The following TANC1 variants were observed in gnomAD, a reference collection of about 807,000 sequenced individuals.
TANC1 encodes tetratricopeptide repeat, ankyrin repeat and coiled-coil containing 1.
Under a neutral mutation model 149.7 loss-of-function variants are expected in TANC1, and 77 were observed. The observed-to-expected ratio is 0.51, with a 90% CI of 0.43 to 0.62. The LOEUF (loss-of-function observed/expected upper bound fraction) is 0.62, where lower values mean the gene tolerates loss of function less well. TANC1 is among the 20% of genes least tolerant of loss of function. The probability of loss-of-function intolerance (pLI) is 0.00; values close to 1 mark genes in which losing one functional copy is unlikely to be tolerated. For missense variants in TANC1, 1,985 were observed against 2,321.8 expected, an observed-to-expected ratio of 0.85 and a Z score of 2.98; for synonymous variants, 854 against 925.0, an observed-to-expected ratio of 0.92 and a Z score of 1.39.
intron 2 of TANC1, among the ~76,000 whole-genome samples, chr2:159,050,837 A>C (rs978962862): frequency 2.0e-5 from 3 of 152,224 alleles, no homozygotes; most frequent in Admixed American, 6.5e-5. Context: ...AAGTGATGTC[A>C]ATTGGAGATG....
At position 159,033,885 on chromosome 2, in the gene TANC1, T is replaced by C. The variant is rs562224749; in HGVS notation, c.-15-32011T>C. Among the ~76,000 whole-genome samples the C allele has an allele frequency of 3.3e-5, 5 of 152,344 alleles. No homozygotes were observed. In the South Asian group the frequency reaches 1.0e-3, roughly 32 times the overall value. ...CTTCAGGCACTGTGGCTCTTAGTAG[T>C]TATCCTTGAATGCGTTGTGCTTTGT... On this transcript the variant is annotated intron_variant, in intron 2 of 26. Coordinates refer to ENST00000263635, the MANE Select transcript of TANC1 (RefSeq NM_033394.3).
At chr2:159,100,268 T>A (rs1453872841) in intron 4 of TANC1, among the ~76,000 whole-genome samples, 6 of 152,110 alleles carry the variant, frequency 3.9e-5, no homozygotes, top group Non-Finnish European at 7.3e-5. Flanking sequence ...ATTCACAAAT[T>A]CAGTGTTTTA....
chr2:159,097,739 G>C lies in TANC1; in HGVS notation c.164G>C (p.Ser55Thr). The change falls in exon 4 of 27, where the codon AGC (serine) becomes ACC (threonine). Residue 55 changes from serine (S) to threonine (T), a missense_variant. Coordinates refer to ENST00000263635, the MANE Select transcript of TANC1 (RefSeq NM_033394.3). ...ACAGCAGAGGACACCTATAGGGTGAGCTTGGCCAAAGGTGTCTCGATGTCT... is the reference window on the plus strand; with the variant it reads ...ACAGCAGAGGACACCTATAGGGTGACCTTGGCCAAAGGTGTCTCGATGTCT... Reference protein sequence around the residue: ...LPTAEDTYRVSLAKGVSMSLP... With the variant: ...LPTAEDTYRVTLAKGVSMSLP... 1 of 1,614,106 alleles carries C rather than the reference G, an allele frequency of 6.2e-7. No individual in the cohort carries two copies. Among genetic ancestry groups the C allele is most frequent in the East Asian group, 2.2e-5 (1 of 44,882 alleles).
chr2:159,114,416 A>G (rs1158704682), intron 4 of TANC1, among the ~76,000 whole-genome samples: 2 of 152,114 alleles, frequency 1.3e-5, no homozygotes, highest in Non-Finnish European at 2.9e-5. Context: ...TGTACAGTTA[A>G]TTTTTTCTTA....
At position 159,019,260 on chromosome 2, in the gene TANC1, G is replaced by A. The variant is rs373160819; in HGVS notation, c.-16+18071G>A. 1.1e-3 allele frequency among the ~76,000 whole-genome samples: 173 copies of A among 152,314 alleles called. 1 individual carries two copies. The highest frequency in any genetic ancestry group is 4.0e-3 in the African/African-American group (168 of 41,578). On this transcript the variant is annotated intron_variant, in intron 2 of 26. Transcript: ENST00000263635. ...GAAACTGAAGCCCAGCAGCCACGCA[G>A]TGAGCTGAAGGAAGCAGCCAGCGAT...
intron 2 of TANC1, among the ~76,000 whole-genome samples, chr2:159,061,770 A>G (rs1432614627): frequency 6.6e-6 from 1 of 152,234 alleles, no homozygotes; most frequent in African/African-American, 2.4e-5. Flanking sequence ...TCAAAAATAT[A>G]TAATGGAAAG....
chr2:159,077,907 A>G (rs758586247), intron 3 of TANC1, among the ~76,000 whole-genome samples: 8 of 152,248 alleles, frequency 5.3e-5, no homozygotes, highest in Admixed American at 1.3e-4. Context: ...TAAGTTTACA[A>G]TTCCACCAGT....
intron 2 of TANC1, among the ~76,000 whole-genome samples, chr2:159,034,450 G>A (rs1574249271): frequency 6.6e-6 from 1 of 152,146 alleles, no homozygotes; most frequent in Non-Finnish European, 1.5e-5. Context: ...TCAACTGGTC[G>A]GGTTTGAAAA....
chr2:159,059,364 G>A (rs1387092498), intron 2 of TANC1, among the ~76,000 whole-genome samples: 1 of 152,070 alleles, frequency 6.6e-6, no homozygotes, highest in African/African-American at 2.4e-5. Context: ...AGCTGGGCTT[G>A]GTGGTACATG....
intron 8 of TANC1, among the ~76,000 whole-genome samples, chr2:159,167,628 C>T (rs1275878055): frequency 6.6e-6 from 1 of 152,180 alleles, no homozygotes; most frequent in East Asian, 1.9e-4. Flanking sequence ...GGCATAGGTG[C>T]ATGCTGTCGT....
At chr2:159,056,680 C>T (rs1395441306) in intron 2 of TANC1, 2 of 223,318 alleles carry the variant, frequency 9.0e-6, no homozygotes, top group African/African-American at 4.5e-5. Context: ...AAACTGGTTG[C>T]TTGGTTCTCT....
chr2:159,219,477 A>G, intron 21 of TANC1, 116 bp downstream of exon 21: 4 of 1,469,770 alleles, frequency 2.7e-6, no homozygotes, highest in Non-Finnish European at 3.8e-6. Flanking sequence ...GAAATTTTCT[A>G]ATAAACAGTA....
At chr2:159,221,643 C>G (rs2059714857) in intron 22 of TANC1, among the ~76,000 whole-genome samples, 1 of 152,180 alleles carries the variant, frequency 6.6e-6, no homozygotes, top group Non-Finnish European at 1.5e-5. Flanking sequence ...CAGCTTCATC[C>G]ATGTTGTGGC....
intron 7 of TANC1, among the ~76,000 whole-genome samples, chr2:159,156,680 C>T (rs957980777): frequency 8.5e-5 from 13 of 152,286 alleles, no homozygotes; most frequent in Middle Eastern, 6.8e-3. Flanking sequence ...ATAATGATAC[C>T]ACTAATCGAA....
At chr2:159,044,528 A>T (rs371731692) in intron 2 of TANC1, among the ~76,000 whole-genome samples, 1 of 152,008 alleles carries the variant, frequency 6.6e-6, no homozygotes, top group Non-Finnish European at 1.5e-5. Context: ...TCTGTCTCCA[A>T]TGCCTAGCAT....
chr2:159,166,433 C>T (rs1320309542), intron 8 of TANC1, among the ~76,000 whole-genome samples: 1 of 152,148 alleles, frequency 6.6e-6, no homozygotes, highest in Non-Finnish European at 1.5e-5. Flanking sequence ...CTTTCCTCCA[C>T]ATCTTGAAAT....
chr2:159,101,369 C>T (rs575177322), intron 4 of TANC1, among the ~76,000 whole-genome samples: 181 of 152,266 alleles, frequency 1.2e-3, no homozygotes, highest in African/African-American at 4.3e-3. Context: ...TGATTACTTC[C>T]TGGATCTTGG....
chr2:159,201,071 A>C (rs189924521), intron 19 of TANC1, among the ~76,000 whole-genome samples: 1 of 152,224 alleles, frequency 6.6e-6, no homozygotes, highest in African/African-American at 2.4e-5. Context: ...GCTTAGCCAC[A>C]GTGGCTTTCT....
At chr2:159,079,151 GC>G (rs2043994537) in intron 3 of TANC1, among the ~76,000 whole-genome samples, 1 of 152,058 alleles carries the variant, frequency 6.6e-6, no homozygotes, top group Non-Finnish European at 1.5e-5. Context: ...TCTCAGTTCA[GC>G]AAAAAGTGAA....
Sources: allele counts gnomAD v4.1 joint callset (sites outside exome capture counted in the v4.1 genomes callset), GRCh38; gene constraint gnomAD v4.1.1; transcripts MANE v1.5; gene names NCBI Gene and HGNC (gene_info 2026-07-23, HGNC 2026-07-21).